IL27: variants seen among roughly 807,000 people sequenced by gnomAD.
IL27 encodes the protein interleukin-27 subunit alpha.
A neutral mutation model predicts 27.0 loss-of-function variants in IL27; 11 were observed. The ratio of observed to expected loss-of-function variants is 0.41; its 90% confidence interval spans 0.26 to 0.67. The LOEUF is 0.67. Ranked by LOEUF, IL27 falls within the 30% of genes least tolerant of loss-of-function variation. The probability of loss-of-function intolerance (pLI) is 0.34; values close to 1 mark genes in which losing one functional copy is unlikely to be tolerated. For synonymous variants in IL27, 134 were observed against 140.6 expected (o/e 0.95, Z 0.33); for missense variants, 299 against 310.4 (o/e 0.96, Z 0.28).
intron 4 of IL27, among the ~76,000 whole-genome samples, chr16:28,500,205 GAA>G (rs1183922093): frequency 6.6e-6 from 1 of 152,208 alleles, no homozygotes; most frequent in East Asian, 1.9e-4. Flanking sequence ...TCTCTGCTGT[GAA>G]AGTTGCTTTT....
chr16:28,502,008 G>A lies in IL27; in HGVS notation c.430C>T (p.Leu144Phe). 6.2e-7 allele frequency: 1 copy of A among 1,611,250 alleles called. No homozygotes were observed. The highest frequency in any genetic ancestry group is 8.5e-7 in the Non-Finnish European group (1 of 1,179,804). ...CGGAGGTGCCGCTGCAGATCGCGGAGGTCCAGCCTCATGGCCCACAGCTGC... is the reference window on the plus strand; with the variant it reads ...CGGAGGTGCCGCTGCAGATCGCGGAAGTCCAGCCTCATGGCCCACAGCTGC... ...RMQLWAMRLD[L>F]RDLQRHLRFQ... The change falls in exon 4 of 5, where the codon CTC (leucine) becomes TTC (phenylalanine). Residue 144 changes from leucine (L) to phenylalanine (F), a missense_variant. Physicochemically the swap from Leu to Phe is conservative, Grantham distance 22 (BLOSUM62 0). Transcript: ENST00000356897.
chr16:28,504,342 GT>G (rs2046449830), intron 1 of IL27, among the ~76,000 whole-genome samples: 1 of 152,146 alleles, frequency 6.6e-6, no homozygotes, highest in Admixed American at 6.6e-5. Context: ...GTTGGGCGTG[GT>G]GGTGCATGCC....
intron 4 of IL27, among the ~76,000 whole-genome samples, chr16:28,500,283 T>G (rs763170859): frequency 6.6e-6 from 1 of 151,168 alleles, no homozygotes; most frequent in Non-Finnish European, 1.5e-5. Flanking sequence ...CATTCCTCTC[T>G]CTCTCTCTTT....
At position 28,499,623 on chromosome 16, in the gene IL27, G is replaced by T. The variant is rs767276191; in HGVS notation, c.*28C>A. On this transcript the variant is annotated 3_prime_UTR_variant, in exon 5 of 5. Coordinates refer to ENST00000356897, the MANE Select transcript of IL27 (RefSeq NM_145659.3). ...CTCCAGTCCTAAAGTTCTAAAGGGT[G>T]GGGGGCAGGGGGCTAAGAAGCCACC... The T allele has an allele frequency of 1.2e-5, 19 of 1,565,388 alleles. No individual in the cohort carries two copies. Among genetic ancestry groups the T allele is most frequent in the African/African-American group, 8.1e-5 (6 of 73,854 alleles).
chr16:28,505,625 G>T (rs541151634), intron 1 of IL27, among the ~76,000 whole-genome samples: 1 of 152,130 alleles, frequency 6.6e-6, no homozygotes, highest in Non-Finnish European at 1.5e-5. Flanking sequence ...GCCCAGAATG[G>T]CTGAATTCCG....
chr16:28,501,793 TCA>T (rs2046432932), intron 4 of IL27, among the ~76,000 whole-genome samples, 181 bp downstream of exon 4: 1 of 149,552 alleles, frequency 6.7e-6, no homozygotes, highest in Non-Finnish European at 1.5e-5. Context: ...ACAGTCACAC[TCA>T]CTCTCCCACA....
In IL27 at chr16:28,502,195, AC is replaced by A. The variant is rs1057449819; in HGVS notation, c.304-62del. 4.8e-6 allele frequency: 7 copies of A among 1,457,596 alleles called. No homozygotes were observed. The South Asian group carries it at 6.5e-5, about 13-fold the overall frequency. 90.3% of individuals were successfully genotyped at this position (1,457,596 alleles called of 1,614,324 possible). On this transcript the variant is annotated intron_variant, in intron 3 of 4. Transcript: ENST00000356897. Reference sequence around the variant, plus strand: ...GGCCAAGGATGGCCATATCACACCCACCCCCTCCCTATCCGGGTCTCCTTCC... The same window carrying A: ...GGCCAAGGATGGCCATATCACACCCACCCCTCCCTATCCGGGTCTCCTTCC...
In IL27 at chr16:28,504,008, C is replaced by T; in HGVS notation, c.74G>A (p.Gly25Asp). 6.2e-7 allele frequency: 1 copy of T among 1,612,300 alleles called. No homozygotes were observed. Residue 25 changes from glycine (G) to aspartate (D), a missense_variant, in exon 2 of 5, where the codon GGT becomes GAT. Gly to Asp is a moderately conservative substitution (Grantham distance 94). Transcript: ENST00000356897. ...LLLPLLLVQA[G>D]VWGFPRPPGR... Reference sequence around the variant, plus strand: ...TGGGGGCCTTGGGAATCCCCAGACACCAGCTTGAACCAGGAGCAAGGGAAG... The same window carrying T: ...TGGGGGCCTTGGGAATCCCCAGACATCAGCTTGAACCAGGAGCAAGGGAAG...
intron 3 of IL27, among the ~76,000 whole-genome samples, chr16:28,503,019 T>TTTTTAGTAGAGG (rs2046441416): frequency 6.6e-6 from 1 of 152,082 alleles, no homozygotes; most frequent in Non-Finnish European, 1.5e-5. Flanking sequence ...GTGGGGTTTC[T>TTTTTAGTAGAGG]TCATGTTGGT....
chr16:28,504,383 C>T (rs1275781514), intron 1 of IL27, among the ~76,000 whole-genome samples: 1 of 152,102 alleles, frequency 6.6e-6, no homozygotes, highest in African/African-American at 2.4e-5. Context: ...GAGGTTGAGG[C>T]AGGAGAATCG....
intron 1 of IL27, among the ~76,000 whole-genome samples, chr16:28,506,109 G>A (rs995464858): frequency 3.3e-5 from 5 of 152,020 alleles, no homozygotes; most frequent in Admixed American, 2.6e-4. Context: ...CCAACCGTAA[G>A]TGAGCTGTGC....
Position 28,503,970 on chromosome 16 carries a change from G to C in IL27, c.112C>G (p.Leu38Val). 6.2e-7 allele frequency: 1 copy of C among 1,614,144 alleles called. No homozygotes were observed. ...GFPRPPGRPQ[L>V]SLQELRREFT... ...TCCCTCCGCAGCTCCTGCAGGCTCA[G>C]CTGGGGCCTCCCTGGGGGCCTTGGG... Residue 38 changes from leucine (L) to valine (V), a missense_variant, in exon 2 of 5, where the codon CTG becomes GTG. Leu to Val is a conservative substitution (Grantham distance 32). Coordinates refer to ENST00000356897, the MANE Select transcript of IL27 (RefSeq NM_145659.3).
At chr16:28,505,455 G>T (rs1421826819) in intron 1 of IL27, among the ~76,000 whole-genome samples, 1 of 152,060 alleles carries the variant, frequency 6.6e-6, no homozygotes, top group African/African-American at 2.4e-5. Flanking sequence ...TCCTGCCTCA[G>T]CCTCCTGAGT....
chr16:28,499,538 G>T lies in IL27; in HGVS notation c.*113C>A, dbSNP rs979922853. The T allele has an allele frequency of 1.3e-6, 1 of 746,938 alleles. No homozygotes were observed. Among genetic ancestry groups the T allele is most frequent in the Non-Finnish European group, 2.2e-6 (1 of 450,496 alleles). The allele number at this position is 746,938 out of a possible 1,614,324, so 46.3% of individuals were successfully genotyped here. On this transcript the variant is annotated 3_prime_UTR_variant, in exon 5 of 5. Transcript: ENST00000356897. Reference sequence around the variant, plus strand: ...TTACTGGGTAGAGCCTGGGGCAGGGGGCTGGAAGAGCCCTCCCTTGTCCAA... The same window carrying T: ...TTACTGGGTAGAGCCTGGGGCAGGGTGCTGGAAGAGCCCTCCCTTGTCCAA...
At chr16:28,502,991 T>C (rs2046441229) in intron 3 of IL27, among the ~76,000 whole-genome samples, 1 of 151,976 alleles carries the variant, frequency 6.6e-6, no homozygotes, top group African/African-American at 2.4e-5. Flanking sequence ...CCCGGCTAAT[T>C]TGGTATTTTT....
At chr16:28,501,690 C>T (rs776725425) in intron 4 of IL27, among the ~76,000 whole-genome samples, 2 of 151,278 alleles carry the variant, frequency 1.3e-5, no homozygotes, top group African/African-American at 2.4e-5. Context: ...CATACAGACC[C>T]ACATGCACTC....
chr16:28,504,099 G>C (rs867366690), intron 1 of IL27, 49 bp from the exon 2 acceptor site: 2 of 1,531,974 alleles, frequency 1.3e-6, no homozygotes, highest in Middle Eastern at 1.8e-4. Flanking sequence ...GCTTGAGAAG[G>C]AAGGGAACAT....
At position 28,502,037 on chromosome 16, in the gene IL27, C is replaced by A. The variant is rs752031519; in HGVS notation, c.401G>T (p.Arg134Met). 8.7e-6 allele frequency: 14 copies of A among 1,613,302 alleles called. No individual in the cohort carries two copies. The South Asian group carries it at 1.3e-4, about 15-fold the overall frequency. ...GTQGRWTNME[R>M]MQLWAMRLDL... is the part of the protein sequence containing the mutation. The stretch of plus-strand genomic sequence containing the variant: ...CAGCCTCATGGCCCACAGCTGCATC[C>A]TCTCCATGTTGGTCCAGCGGCCCTG... Residue 134 changes from arginine (R) to methionine (M), a missense_variant, in exon 4 of 5, where the codon AGG (arginine) becomes ATG (methionine). Transcript: ENST00000356897.
rs371626958 is a variant in IL27, at chr16:28,501,871, TCA to T, written c.462+103_462+104del. On this transcript the variant is annotated intron_variant, in intron 4 of 4. Coordinates refer to ENST00000356897, the MANE Select transcript of IL27 (RefSeq NM_145659.3). ...CACACTCATGGACACTCAGTCACAC[TCA>T]CACTCTCACACTCACACACACTCAG... 373 of 1,339,602 alleles carry T rather than the reference TCA, an allele frequency of 2.8e-4. 2 individuals are homozygous for T. In the African/African-American group the frequency reaches 4.8e-3, roughly 17 times the overall value. The allele number at this position is 1,339,602 out of a possible 1,614,324, so 83.0% of individuals were successfully genotyped here. A position where few individuals can be genotyped will look rare whatever the true frequency, so the allele number is the denominator to read the frequency against.
Sources: allele counts gnomAD v4.1 joint callset (sites outside exome capture counted in the v4.1 genomes callset), GRCh38; gene constraint gnomAD v4.1.1; transcripts MANE v1.5; gene names NCBI Gene and HGNC (gene_info 2026-07-23, HGNC 2026-07-21).